The following GNAQ variants were observed in gnomAD, a reference collection of about 807,000 sequenced individuals.
GNAQ encodes the protein G protein subunit alpha q, also known as guanine nucleotide-binding protein G(q) subunit alpha.
A neutral mutation model predicts 43.9 loss-of-function variants in GNAQ; 8 were observed. The observed-to-expected ratio is 0.18, with a 90% CI of 0.11 to 0.33. GNAQ has a LOEUF of 0.33. GNAQ is among the 10% of genes least tolerant of loss of function. GNAQ has a pLI of 1.00. For missense variants in GNAQ, 158 were observed against 450.8 expected (o/e 0.35, Z 5.88); for synonymous variants, 155 against 170.7 (o/e 0.91, Z 0.71).
intron 2 of GNAQ, among the ~76,000 whole-genome samples, chr9:77,921,079 T>C (rs1438737193): frequency 2.0e-5 from 3 of 152,212 alleles, no homozygotes; most frequent in Non-Finnish European, 2.9e-5. Context: ...AAATTTCTTA[T>C]TGAAGGCTCT....
chr9:77,962,043 A>G (rs1823112587), intron 1 of GNAQ, among the ~76,000 whole-genome samples: 1 of 152,228 alleles, frequency 6.6e-6, no homozygotes, highest in Non-Finnish European at 1.5e-5. Context: ...AATGAAAAAT[A>G]CAACAGATAG....
At chr9:77,846,852 C>A (rs889691563) in intron 2 of GNAQ, among the ~76,000 whole-genome samples, 2 of 152,134 alleles carry the variant, frequency 1.3e-5, no homozygotes, top group Non-Finnish European at 2.9e-5. Flanking sequence ...ATGAGCCAGA[C>A]AAGACAAATA....
intron 1 of GNAQ, among the ~76,000 whole-genome samples, chr9:77,950,032 C>A (rs1280912936): frequency 6.6e-6 from 1 of 152,176 alleles, no homozygotes; most frequent in Non-Finnish European, 1.5e-5. Flanking sequence ...TACTTTATTT[C>A]TCACAGATGA....
At chr9:77,897,277 T>C (rs1828519390) in intron 2 of GNAQ, among the ~76,000 whole-genome samples, 1 of 152,240 alleles carries the variant, frequency 6.6e-6, no homozygotes, top group Non-Finnish European at 1.5e-5. Context: ...TTATTTATGA[T>C]GAAGCTCTAT....
intron 5 of GNAQ, among the ~76,000 whole-genome samples, chr9:77,774,079 T>G (rs968824643): frequency 1.3e-5 from 2 of 152,174 alleles, no homozygotes; most frequent in African/African-American, 4.8e-5. Flanking sequence ...GTGGTCCACA[T>G]TCCTCTGGCT....
intron 1 of GNAQ, among the ~76,000 whole-genome samples, chr9:77,948,366 G>C (rs1822930999): frequency 1.3e-5 from 2 of 152,164 alleles, no homozygotes. Context: ...TCCCAACACA[G>C]GACACAAACT....
chr9:77,922,481 C>T, intron 1 of GNAQ, 136 bp from the exon 2 acceptor site: 2 of 638,048 alleles, frequency 3.1e-6, no homozygotes, highest in Non-Finnish European at 5.5e-6. Context: ...ATTGGAAACA[C>T]TACCTATGGT....
At chr9:77,761,196 G>A (rs1826007607) in intron 5 of GNAQ, among the ~76,000 whole-genome samples, 1 of 135,958 alleles carries the variant, frequency 7.4e-6, no homozygotes, top group Admixed American at 7.3e-5. Flanking sequence ...GCCAGTGAGG[G>A]GCGCCTCTGC....
chr9:77,822,279 C>T (rs942716528), intron 2 of GNAQ, among the ~76,000 whole-genome samples: 41 of 152,142 alleles, frequency 2.7e-4, no homozygotes, highest in African/African-American at 9.7e-4. Flanking sequence ...CCCCTAACAA[C>T]CAACTGTAGG....
At chr9:77,738,510 T>C (rs535013261) in intron 5 of GNAQ, among the ~76,000 whole-genome samples, 7 of 152,320 alleles carry the variant, frequency 4.6e-5, no homozygotes, top group Admixed American at 3.9e-4. Flanking sequence ...CATAGTTGAA[T>C]TGCCCACATA....
chr9:77,768,928 C>G (rs1405426141), intron 5 of GNAQ, among the ~76,000 whole-genome samples: 1 of 152,124 alleles, frequency 6.6e-6, no homozygotes, highest in Admixed American at 6.5e-5. Context: ...TAAACTCACT[C>G]TGATAACAAA....
chr9:77,927,609 C>A (rs1829088593), intron 1 of GNAQ, among the ~76,000 whole-genome samples: 2 of 151,856 alleles, frequency 1.3e-5, no homozygotes, highest in African/African-American at 4.8e-5. Flanking sequence ...GAAAACACAC[C>A]TTACCAGGGC....
intron 2 of GNAQ, among the ~76,000 whole-genome samples, chr9:77,873,219 ATC>A (rs2118035652): frequency 6.6e-6 from 1 of 152,342 alleles, no homozygotes; most frequent in South Asian, 2.1e-4. Context: ...AAATATCTTT[ATC>A]TGTTTGCACA....
At chr9:77,873,036 C>T (rs767471948) in intron 2 of GNAQ, among the ~76,000 whole-genome samples, 63 of 152,160 alleles carry the variant, frequency 4.1e-4, no homozygotes, top group African/African-American at 4.8e-5. Context: ...GAATTTGTTT[C>T]GCTGGAAAGA....
chr9:77,775,410 T>C, intron 5 of GNAQ, among the ~76,000 whole-genome samples: 1 of 102,544 alleles, frequency 9.8e-6, no homozygotes, highest in Non-Finnish European at 2.0e-5. Flanking sequence ...CTCATCTCTC[T>C]TTTTTTTTTT....
At chr9:77,812,890 AT>A (rs1305845897) in intron 3 of GNAQ, among the ~76,000 whole-genome samples, 1 of 151,738 alleles carries the variant, frequency 6.6e-6, no homozygotes, top group African/African-American at 2.4e-5. Flanking sequence ...ATATATAAGA[AT>A]AATTTATTTT....
chr9:77,900,178 G>A (rs919571851), intron 2 of GNAQ, among the ~76,000 whole-genome samples: 1 of 152,118 alleles, frequency 6.6e-6, no homozygotes, highest in Non-Finnish European at 1.5e-5. Flanking sequence ...TGTGGTATAT[G>A]TCTCATACTT....
chr9:77,895,123 G>C lies in GNAQ; in HGVS notation c.321+27038C>G, dbSNP rs573022306. ...TGAGGCAGGAGAATGGCATGAACCC[G>C]GGAGGTGGAGCTTGCAGTGAGCCAA... On this transcript the variant is annotated intron_variant, in intron 2 of 6. Transcript: ENST00000286548. 1.5e-3 allele frequency among the ~76,000 whole-genome samples: 232 copies of C among 151,302 alleles called. 2 individuals carry two copies. Among genetic ancestry groups the C allele is most frequent in the African/African-American group, 4.8e-3 (197 of 41,192 alleles).
chr9:77,858,751 C>CA (rs1827797935), intron 2 of GNAQ, among the ~76,000 whole-genome samples: 1 of 151,884 alleles, frequency 6.6e-6, no homozygotes, highest in Non-Finnish European at 1.5e-5. Context: ...ATGCCCAGCC[C>CA]ACTACTTCTC....
Sources: allele counts gnomAD v4.1 joint callset (sites outside exome capture counted in the v4.1 genomes callset), GRCh38; gene constraint gnomAD v4.1.1; transcripts MANE v1.5; gene names NCBI Gene and HGNC (gene_info 2026-07-23, HGNC 2026-07-21).